FHIT: variants seen among roughly 807,000 people sequenced by gnomAD.
FHIT encodes bis(5'-adenosyl)-triphosphatase.
Under a neutral mutation model 17.9 loss-of-function variants are expected in FHIT, and 19 were observed. The observed-to-expected ratio is 1.06, with a 90% CI of 0.74 to 1.56. The LOEUF is 1.56. Among genes scored for constraint, FHIT ranks in the 40% most tolerant of loss-of-function variants. FHIT has a pLI of 0.00. For missense variants in FHIT, 248 were observed against 189.2 expected (o/e 1.31, Z -1.82); for synonymous variants, 81 against 69.7 (o/e 1.16, Z -0.81).
chr3:60,301,298 T>A (rs1205782874), intron 5 of FHIT, among the ~76,000 whole-genome samples: 1 of 152,170 alleles, frequency 6.6e-6, no homozygotes, highest in East Asian at 1.9e-4. Context: ...CTAGAGATAG[T>A]GTGTTTCACC....
At chr3:59,757,197 T>A (rs1168879802) in intron 8 of FHIT, among the ~76,000 whole-genome samples, 1 of 152,220 alleles carries the variant, frequency 6.6e-6, no homozygotes, top group Non-Finnish European at 1.5e-5. Flanking sequence ...TAGAGGAAAG[T>A]GCACGCCAAA....
rs528585929 is a variant in FHIT, at chr3:60,449,325, T to A, written c.103+87535A>T. Among the ~76,000 whole-genome samples, 21 of 152,262 alleles carry A rather than the reference T, an allele frequency of 1.4e-4. No individual in the cohort carries two copies. In the South Asian group the frequency reaches 4.1e-3, roughly 30 times the overall value. ...CTGTGAGAAAGTCACACTGTAAGCC[T>A]CAGCTTCCTTCTCAATAAACTGAAG... On this transcript the variant is annotated intron_variant, in intron 5 of 9. Transcript: ENST00000492590.
At chr3:60,294,928 C>A (rs1708140263) in intron 5 of FHIT, among the ~76,000 whole-genome samples, 1 of 152,142 alleles carries the variant, frequency 6.6e-6, no homozygotes. Context: ...TATTCACCTG[C>A]AGAAGGACAT....
chr3:60,990,773 T>C (rs1458814498), intron 3 of FHIT, among the ~76,000 whole-genome samples: 1 of 152,206 alleles, frequency 6.6e-6, no homozygotes, highest in African/African-American at 2.4e-5. Flanking sequence ...CATTTTATTA[T>C]ATGAAATTTG....
At chr3:60,324,609 G>A (rs1048417226) in intron 5 of FHIT, among the ~76,000 whole-genome samples, 15 of 150,738 alleles carry the variant, frequency 1.0e-4, no homozygotes, top group Admixed American at 7.3e-4. Flanking sequence ...ACTAGCAACT[G>A]ACAATAGAGT....
At chr3:61,202,504 T>C (rs1220760726) in intron 1 of FHIT, among the ~76,000 whole-genome samples, 2 of 132,610 alleles carry the variant, frequency 1.5e-5, no homozygotes, top group South Asian at 2.7e-4. Flanking sequence ...AGTTTACTTT[T>C]TCGTTAAAAA....
chr3:60,091,093 A>G (rs1452697216), intron 5 of FHIT, among the ~76,000 whole-genome samples: 1 of 152,188 alleles, frequency 6.6e-6, no homozygotes, highest in East Asian at 1.9e-4. Flanking sequence ...GCACTGCTCT[A>G]CAGTAGCTTA....
intron 2 of FHIT, among the ~76,000 whole-genome samples, chr3:61,124,631 A>C (rs74367517): frequency 0.1 from 15,728 of 152,196 alleles, 926 homozygotes; most frequent in South Asian, 0.2. Flanking sequence ...CCAAGAGATG[A>C]AAACCTCATG....
chr3:61,167,074 G>A (rs1236763078), intron 2 of FHIT: 2 of 152,114 alleles, frequency 1.3e-5, no homozygotes, highest in Non-Finnish European at 2.9e-5. Context: ...AGCATATCTT[G>A]ACACAGAAAA....
At chr3:60,318,137 C>T (rs565042676) in intron 5 of FHIT, among the ~76,000 whole-genome samples, 2 of 152,190 alleles carry the variant, frequency 1.3e-5, no homozygotes, top group East Asian at 3.9e-4. Context: ...AAACCCTGAA[C>T]ACATCATGGT....
At position 59,921,778 on chromosome 3, in the gene FHIT, T is replaced by A. The variant is rs537408245; in HGVS notation, c.348+568A>T. On this transcript the variant is annotated intron_variant, in intron 8 of 9. Transcript: ENST00000492590. ...TCACCTGGCTCTTGCTGGTTCATGT[T>A]TGTAGTGGTTTCACACTTGTATCTT... Among the ~76,000 whole-genome samples, 3 of 152,376 alleles carry A rather than the reference T, an allele frequency of 2.0e-5. No homozygotes were observed. In the East Asian group the frequency reaches 5.8e-4, roughly 29 times the overall value.
chr3:60,783,785 C>A (rs1411091185), intron 4 of FHIT, among the ~76,000 whole-genome samples: 1 of 152,194 alleles, frequency 6.6e-6, no homozygotes, highest in African/African-American at 2.4e-5. Context: ...AGGTGTGGCT[C>A]TTTAACAGAA....
chr3:60,719,609 T>C (rs1330734815), intron 4 of FHIT, among the ~76,000 whole-genome samples: 1 of 152,148 alleles, frequency 6.6e-6, no homozygotes, highest in Non-Finnish European at 1.5e-5. Context: ...GTCAGCAGCA[T>C]TTGGGGCTTC....
In FHIT at chr3:60,992,404, TA is replaced by T. The variant is rs531550037; in HGVS notation, c.-111+49642del. Among the ~76,000 whole-genome samples the T allele has an allele frequency of 2.6e-3, 399 of 152,270 alleles. 4 individuals are homozygous for T. The highest frequency in any genetic ancestry group is 8.8e-3 in the African/African-American group (367 of 41,546). Reference sequence around the variant, plus strand: ...CTGATGTATGTGTTATACCTTAATTTAAAAAAATATGTATTTCAGGGGATCA... The same window carrying T: ...CTGATGTATGTGTTATACCTTAATTTAAAAAATATGTATTTCAGGGGATCA... On this transcript the variant is annotated intron_variant, in intron 3 of 9. Transcript: ENST00000492590.
intron 5 of FHIT, among the ~76,000 whole-genome samples, chr3:60,116,250 C>CA (rs1225238413): frequency 1.3e-5 from 2 of 152,000 alleles, no homozygotes; most frequent in South Asian, 2.1e-4. Context: ...GAAATATAAA[C>CA]AAAAAAAGCA....
chr3:60,939,154 G>A (rs1252958772), intron 3 of FHIT, among the ~76,000 whole-genome samples: 1 of 152,104 alleles, frequency 6.6e-6, no homozygotes, highest in Non-Finnish European at 1.5e-5. Flanking sequence ...CTACTTTGTT[G>A]CTTTTCTTTG....
intron 5 of FHIT, among the ~76,000 whole-genome samples, chr3:60,297,385 T>C (rs1377389529): frequency 6.6e-6 from 1 of 152,092 alleles, no homozygotes; most frequent in Non-Finnish European, 1.5e-5. Context: ...TATTTATTTT[T>C]GTGTGTGTGT....
At chr3:60,100,987 T>C (rs1453883557) in intron 5 of FHIT, among the ~76,000 whole-genome samples, 2 of 152,198 alleles carry the variant, frequency 1.3e-5, no homozygotes, top group East Asian at 3.8e-4. Context: ...CTAATTCTTG[T>C]TGACTCTATT....
At chr3:59,918,592 G>A (rs1390887893) in intron 8 of FHIT, among the ~76,000 whole-genome samples, 3 of 152,178 alleles carry the variant, frequency 2.0e-5, no homozygotes, top group Non-Finnish European at 4.4e-5. Flanking sequence ...TAAACAGCAT[G>A]CCCAGTATAC....
Sources: gnomAD v4.1 joint callset for allele counts (sites outside exome capture counted in the v4.1 genomes callset) on GRCh38, gnomAD v4.1.1 for gene constraint, MANE v1.5 for transcripts, NCBI Gene and HGNC (gene_info 2026-07-23, HGNC 2026-07-21) for gene names.